The following RAB39A variants were observed in gnomAD, a reference collection of about 807,000 sequenced individuals.
The protein encoded by RAB39A is ras-related protein Rab-39A.
A neutral mutation model predicts 20.9 loss-of-function variants in RAB39A; 17 were observed. The ratio of observed to expected loss-of-function variants is 0.81; its 90% confidence interval spans 0.56 to 1.22. The LOEUF (loss-of-function observed/expected upper bound fraction) is 1.22, where lower values mean the gene tolerates loss of function less well. RAB39A is among the 50% of genes most tolerant of loss of function. The pLI, the probability that RAB39A is intolerant of heterozygous loss-of-function variation, is 0.00. For synonymous variants in RAB39A, 99 were observed against 103.4 expected (o/e 0.96, Z 0.26); for missense variants, 234 against 270.5 (o/e 0.87, Z 0.95).
intron 1 of RAB39A, among the ~76,000 whole-genome samples, chr11:107,945,225 G>A (rs937476473): frequency 1.4e-5 from 2 of 145,388 alleles, no homozygotes; most frequent in South Asian, 4.3e-4. Context: ...GCTTATGCCT[G>A]TAATCCCAGC....
In RAB39A at chr11:107,962,098, A is replaced by T. The variant is rs1403867966; in HGVS notation, c.380A>T (p.His127Leu). 1 of 1,614,188 alleles carries T rather than the reference A, an allele frequency of 6.2e-7. No homozygotes were observed. Among genetic ancestry groups the T allele is most frequent in the Non-Finnish European group, 8.5e-7 (1 of 1,180,028 alleles). Reference protein sequence around the residue: ...PFRIVFLLVGHKCDLASQRQV... With the variant: ...PFRIVFLLVGLKCDLASQRQV... The stretch of plus-strand genomic sequence containing the variant: ...CGGATTGTATTTCTGCTAGTGGGAC[A>T]TAAATGTGATTTAGCTTCACAACGT... The change falls in exon 2 of 2, where the codon CAT (histidine) becomes CTT (leucine). Residue 127 changes from histidine to leucine, a missense_variant. His to Leu is a moderately conservative substitution (Grantham distance 99). Coordinates refer to ENST00000320578, the MANE Select transcript of RAB39A (RefSeq NM_017516.3).
At chr11:107,938,298 T>G (rs1209571644) in intron 1 of RAB39A, among the ~76,000 whole-genome samples, 1 of 139,880 alleles carries the variant, frequency 7.1e-6, no homozygotes, top group Non-Finnish European at 1.5e-5. Context: ...AAGAGGAGGT[T>G]GCAGTGAGCC....
chr11:107,937,933 G>A (rs1419502133), intron 1 of RAB39A, among the ~76,000 whole-genome samples: 2 of 152,116 alleles, frequency 1.3e-5, no homozygotes, highest in Admixed American at 6.6e-5. Flanking sequence ...AATATACTAA[G>A]TAGGTATTAT....
rs976918959 is a variant in RAB39A, at chr11:107,928,561, C to T, written c.-8C>T. On this transcript the variant is annotated 5_prime_UTR_variant, in exon 1 of 2. The change creates a new upstream start codon in the 5' untranslated region. Coordinates refer to ENST00000320578, the MANE Select transcript of RAB39A (RefSeq NM_017516.3). The surrounding 1 kb of genome is among the most constrained non-coding windows in gnomAD (Gnocchi z 4.9). ...GGGCGGCCCGGGAGCCAGCGGGGCA[C>T]GTGAGCGATGGAGACCATCTGGATC... 27 of 1,464,354 alleles carry T rather than the reference C, an allele frequency of 1.8e-5. No homozygotes were observed. Among genetic ancestry groups the T allele is most frequent in the African/African-American group, 2.8e-5 (2 of 71,328 alleles). 90.7% of individuals were successfully genotyped at this position (1,464,354 alleles called of 1,614,324 possible).
At chr11:107,953,020 G>C (rs1861397113) in intron 1 of RAB39A, among the ~76,000 whole-genome samples, 1 of 152,202 alleles carries the variant, frequency 6.6e-6, no homozygotes, top group East Asian at 1.9e-4. Context: ...CTGTGGGCTG[G>C]GGAAATTGGG....
Position 107,962,523 on chromosome 11 carries a change from G to A in RAB39A, c.*151G>A. 1.4e-6 allele frequency: 1 copy of A among 719,300 alleles called. No individual in the cohort carries two copies. The highest frequency in any genetic ancestry group is 2.8e-5 in the East Asian group (1 of 35,876). 44.6% of individuals were successfully genotyped at this position (719,300 alleles called of 1,614,324 possible). On this transcript the variant is annotated 3_prime_UTR_variant, in exon 2 of 2. Transcript: ENST00000320578. ...TTATAAGGTATTTGATTCAGAGCAT[G>A]ATGCTTACTTGTTACACTACTAGAT...
chr11:107,933,000 G>A (rs1178151128), intron 1 of RAB39A, among the ~76,000 whole-genome samples: 1 of 152,100 alleles, frequency 6.6e-6, no homozygotes, highest in Non-Finnish European at 1.5e-5. Flanking sequence ...AGCAGTAAAG[G>A]AAACGAGAAT....
rs1360309027 is a variant in RAB39A at position 107,942,092 on chromosome 11, C to T, written c.227+13297C>T. Among the ~76,000 whole-genome samples the T allele has an allele frequency of 1.2e-4, 8 of 68,124 alleles. No homozygotes were observed. The Admixed American group carries it at 2.2e-3, about 19-fold the overall frequency. The allele number at this position is 68,124 out of a possible 152,430, so 44.7% of individuals were successfully genotyped here. On this transcript the variant is annotated intron_variant, in intron 1 of 1. Coordinates refer to ENST00000320578, the MANE Select transcript of RAB39A (RefSeq NM_017516.3). ...GCAGCCTGGGCAACAGAGAGAGATT[C>T]CATCTCAAAAAAAAAAAAAAAAAAA...
intron 1 of RAB39A, among the ~76,000 whole-genome samples, chr11:107,932,945 G>A (rs888184756): frequency 5.9e-5 from 9 of 152,064 alleles, no homozygotes; most frequent in East Asian, 1.9e-4. Context: ...TCCTGGGCTC[G>A]TGTAATCTGC....
intron 1 of RAB39A, 21 bp from the exon 2 acceptor site, chr11:107,961,925 T>G (rs757272364): frequency 1.0e-5 from 16 of 1,579,116 alleles, no homozygotes; most frequent in South Asian, 9.3e-5. Flanking sequence ...TTATACAACC[T>G]TTTTTCTCTT....
At position 107,959,132 on chromosome 11, in the gene RAB39A, G is replaced by T. The variant is rs546405344; in HGVS notation, c.228-2814G>T. Among the ~76,000 whole-genome samples the T allele has an allele frequency of 1.1e-3, 168 of 148,108 alleles. 1 individual carries two copies. The highest frequency in any genetic ancestry group is 4.0e-3 in the African/African-American group (163 of 40,258). The stretch of plus-strand genomic sequence containing the variant: ...AAAAACTCCGTCTCAAAAAAAAAAA[G>T]AAAAGAAAAGAAAACATAGTATTTC... On this transcript the variant is annotated intron_variant, in intron 1 of 1. Transcript: ENST00000320578.
At chr11:107,929,606 T>A (rs1861116699) in intron 1 of RAB39A, among the ~76,000 whole-genome samples, 1 of 152,154 alleles carries the variant, frequency 6.6e-6, no homozygotes. Flanking sequence ...TTATGATCAG[T>A]ACTTAACGTT....
At chr11:107,950,521 C>T (rs1861366894) in intron 1 of RAB39A, among the ~76,000 whole-genome samples, 1 of 152,098 alleles carries the variant, frequency 6.6e-6, no homozygotes, top group African/African-American at 2.4e-5. Context: ...AATCCCAGCA[C>T]TTTCGGAGGC....
At chr11:107,954,302 G>A (rs1417511516) in intron 1 of RAB39A, among the ~76,000 whole-genome samples, 1 of 152,138 alleles carries the variant, frequency 6.6e-6, no homozygotes, top group East Asian at 1.9e-4. Context: ...GATAATTACA[G>A]GACAGGACAT....
intron 1 of RAB39A, among the ~76,000 whole-genome samples, chr11:107,946,298 G>T (rs1861306875): frequency 1.7e-5 from 2 of 118,626 alleles, no homozygotes; most frequent in South Asian, 2.7e-4. Context: ...AACCATAAAG[G>T]AACAGGATAC....
At chr11:107,955,211 A>G (rs907615837) in intron 1 of RAB39A, among the ~76,000 whole-genome samples, 1 of 151,752 alleles carries the variant, frequency 6.6e-6, no homozygotes, top group Non-Finnish European at 1.5e-5. Context: ...GTTAGCCAGG[A>G]TGGTCTCAAT....
rs4754282 is a variant in RAB39A, at chr11:107,962,819, G to A, written c.*447G>A. The A allele has an allele frequency of 0.47, 71,411 of 152,602 alleles. 18,503 individuals carry two copies. The highest frequency in any genetic ancestry group is 0.7 in the East Asian group (3,643 of 5,186). The allele number at this position is 152,602 out of a possible 1,614,324, so 9.5% of individuals were successfully genotyped here. On this transcript the variant is annotated 3_prime_UTR_variant, in exon 2 of 2. Transcript: ENST00000320578. ...CAGAGTAAACAATCTCAGAAGTATC[G>A]ACTAGGACGTAAATAGCAGTTCCTT...
intron 1 of RAB39A, among the ~76,000 whole-genome samples, chr11:107,939,100 T>C (rs6588984): frequency 0.92 from 140,481 of 151,978 alleles, 65,080 homozygotes; most frequent in Non-Finnish European, 0.96. Context: ...AAAAATTAGC[T>C]AGGCGTGGTG....
At chr11:107,940,199 TACACACACAG>T (rs1412000113) in intron 1 of RAB39A, among the ~76,000 whole-genome samples, 1 of 152,086 alleles carries the variant, frequency 6.6e-6, no homozygotes, top group Non-Finnish European at 1.5e-5. Flanking sequence ...GATACTGAGG[TACACACACAG>T]ACACACACCA....
Sources: gnomAD v4.1 joint callset for allele counts (sites outside exome capture counted in the v4.1 genomes callset) on GRCh38, gnomAD v4.1.1 for gene constraint, Gnocchi (gnomAD v3.1) non-coding constraint, MANE v1.5 for transcripts, NCBI Gene and HGNC (gene_info 2026-07-23, HGNC 2026-07-21) for gene names.